The following TENM4 variants were observed in gnomAD, a reference collection of about 807,000 sequenced individuals.
The protein encoded by TENM4 is teneurin transmembrane protein 4.
TENM4 carries 82 observed loss-of-function variants against 243.3 expected under a neutral mutation model. The observed-to-expected ratio is 0.34, with a 90% CI of 0.28 to 0.40. The LOEUF (loss-of-function observed/expected upper bound fraction) is 0.40. TENM4 is among the 10% of genes least tolerant of loss of function. The pLI, the probability that TENM4 is intolerant of heterozygous loss-of-function variation, is 1.00. For missense variants in TENM4, 3,138 were observed against 3,673.3 expected, an observed-to-expected ratio of 0.85 and a Z score of 3.77; for synonymous variants, 1,412 against 1,456.3, an observed-to-expected ratio of 0.97 and a Z score of 0.69.
chr11:78,795,385 T>C (rs1857140794), intron 15 of TENM4, among the ~76,000 whole-genome samples: 1 of 152,164 alleles, frequency 6.6e-6, no homozygotes, highest in African/African-American at 2.4e-5. Flanking sequence ...TGTTCAAGAT[T>C]CTGTGATTTT....
chr11:79,176,853 G>A (rs763103542), intron 3 of TENM4, among the ~76,000 whole-genome samples: 13 of 152,056 alleles, frequency 8.5e-5, no homozygotes, highest in Admixed American at 7.2e-4. Context: ...ATCTAACATC[G>A]GTCTGAAGAA....
chr11:79,359,148 C>A (rs1320660965), intron 1 of TENM4, among the ~76,000 whole-genome samples: 1 of 152,038 alleles, frequency 6.6e-6, no homozygotes, highest in East Asian at 1.9e-4. Flanking sequence ...TACCTGTAGT[C>A]CTAGCTACTT....
intron 3 of TENM4, among the ~76,000 whole-genome samples, chr11:79,164,065 G>T (rs11237738): frequency 1.3e-4 from 2 of 14,914 alleles, no homozygotes; most frequent in Non-Finnish European, 3.3e-4. Context: ...TGTATATATA[G>T]TGTATATATA....
chr11:78,704,361 T>C lies in TENM4; in HGVS notation c.4210-1958A>G, dbSNP rs528034663. Among the ~76,000 whole-genome samples, 25 of 151,948 alleles carry C rather than the reference T, an allele frequency of 1.6e-4. No homozygotes were observed. In the South Asian group the frequency reaches 5.2e-3, roughly 32 times the overall value. On this transcript the variant is annotated intron_variant, in intron 27 of 33. Transcript: ENST00000278550. Reference sequence around the variant, plus strand: ...AGAAGTTTTTCTTCCAGGAATTTACTTTTGTATACCATCGTCTATAAGAGT... The same window carrying C: ...AGAAGTTTTTCTTCCAGGAATTTACCTTTGTATACCATCGTCTATAAGAGT...
chr11:78,669,820 T>C lies in TENM4; in HGVS notation c.6525A>G (p.Arg2175=), dbSNP rs781634304. Residue 2175 remains arginine (R), a synonymous_variant, in exon 32 of 34, where the codon CGA becomes CGG. Coordinates refer to ENST00000278550, the MANE Select transcript of TENM4 (RefSeq NM_001098816.3). The surrounding 1 kb of genome is among the most constrained non-coding windows in gnomAD (Gnocchi z 6.4). ...CTACCTTCAGCTCCTTCTTCACTAC[T>C]CGCCCCATGTTATCATACTGGACGG... ...WMTVQYDNMG[R]VVKKELKVGP... is the part of the protein sequence containing the mutation. 2.5e-6 allele frequency: 4 copies of C among 1,613,856 alleles called. No homozygotes were observed. Among genetic ancestry groups the C allele is most frequent in the South Asian group, 1.1e-5 (1 of 91,070 alleles).
At chr11:79,395,476 G>A (rs535878709) in intron 1 of TENM4, among the ~76,000 whole-genome samples, 11 of 152,302 alleles carry the variant, frequency 7.2e-5, no homozygotes, top group Admixed American at 3.9e-4. Flanking sequence ...GAAGAGGACC[G>A]GGCATACAGG....
intron 1 of TENM4, among the ~76,000 whole-genome samples, chr11:79,358,838 A>G (rs982331749): frequency 8.6e-5 from 13 of 152,042 alleles, no homozygotes; most frequent in African/African-American, 1.2e-4. Context: ...TACTAACTGA[A>G]CAACCACTAT....
intron 14 of TENM4, among the ~76,000 whole-genome samples, chr11:78,810,785 G>A (rs1055522479): frequency 3.3e-5 from 5 of 152,088 alleles, no homozygotes; most frequent in Admixed American, 6.5e-5. Context: ...GCAAAATGAC[G>A]CCTGGGAGAG....
chr11:79,261,014 C>A (rs944328331), intron 2 of TENM4, among the ~76,000 whole-genome samples: 2 of 152,322 alleles, frequency 1.3e-5, no homozygotes, highest in East Asian at 3.9e-4. Flanking sequence ...TCAGCCAAGT[C>A]AATTTGTGAT....
At position 79,233,160 on chromosome 11, in the gene TENM4, C is replaced by T. The variant is rs544746533; in HGVS notation, c.-264-17251G>A. Among the ~76,000 whole-genome samples, 3 of 152,350 alleles carry T rather than the reference C, an allele frequency of 2.0e-5. No homozygotes were observed. The East Asian group carries it at 5.8e-4, about 29-fold the overall frequency. On this transcript the variant is annotated intron_variant, in intron 2 of 33. Coordinates refer to ENST00000278550, the MANE Select transcript of TENM4 (RefSeq NM_001098816.3). ...GTCAGACGCCATGCCTTGGGTTTCC[C>T]TTCCCAAACAATGTTATTTACTAAC...
chr11:78,985,843 C>T lies in TENM4; in HGVS notation c.493+78895G>A, dbSNP rs139654514. 6.6e-5 allele frequency among the ~76,000 whole-genome samples: 10 copies of T among 152,296 alleles called. No homozygotes were observed. The East Asian group carries it at 1.9e-3, about 29-fold the overall frequency. The stretch of plus-strand genomic sequence containing the variant: ...GTCAGCCAAGTTACCGAGCTACTTC[C>T]TGCCATCAGCTTTGCCCAGGCTCCC... On this transcript the variant is annotated intron_variant, in intron 6 of 33. Transcript: ENST00000278550.
chr11:78,830,148 T>C (rs1338054837), intron 12 of TENM4, among the ~76,000 whole-genome samples: 1 of 152,218 alleles, frequency 6.6e-6, no homozygotes, highest in Non-Finnish European at 1.5e-5. Context: ...CATTACTCCC[T>C]CTTTCTGTGA....
At chr11:78,817,182 G>T (rs534683949) in intron 12 of TENM4, among the ~76,000 whole-genome samples, 2 of 152,216 alleles carry the variant, frequency 1.3e-5, no homozygotes, top group Non-Finnish European at 2.9e-5. Flanking sequence ...CTCAGAGGAC[G>T]TGGGCTTGAA....
intron 6 of TENM4, among the ~76,000 whole-genome samples, chr11:78,914,385 A>G (rs1856267273): frequency 6.6e-6 from 1 of 152,230 alleles, no homozygotes; most frequent in African/African-American, 2.4e-5. Flanking sequence ...ATGGGGCTTT[A>G]GGAAGATGAA....
intron 19 of TENM4, among the ~76,000 whole-genome samples, chr11:78,748,964 C>T (rs1403462701): frequency 6.6e-6 from 1 of 152,180 alleles, no homozygotes; most frequent in African/African-American, 2.4e-5. Flanking sequence ...TTCTCACTTT[C>T]CCAAGGACTT....
chr11:78,943,817 T>G (rs1013357910), intron 6 of TENM4, among the ~76,000 whole-genome samples: 1 of 152,258 alleles, frequency 6.6e-6, no homozygotes, highest in African/African-American at 2.4e-5. Context: ...TCTCCTATTC[T>G]GTACTTAAAA....
intron 2 of TENM4, among the ~76,000 whole-genome samples, chr11:79,246,548 C>T (rs558002260): frequency 4.6e-5 from 7 of 152,236 alleles, no homozygotes; most frequent in East Asian, 1.9e-4. Flanking sequence ...ACAGTAGAAT[C>T]GATAACTTCT....
intron 6 of TENM4, among the ~76,000 whole-genome samples, chr11:78,993,990 T>C (rs1270285790): frequency 6.6e-6 from 1 of 152,198 alleles, no homozygotes; most frequent in Non-Finnish European, 1.5e-5. Context: ...AAATGTTGAG[T>C]TTTTGCTTAG....
intron 14 of TENM4, among the ~76,000 whole-genome samples, chr11:78,807,280 T>C (rs1041027556): frequency 1.3e-5 from 2 of 152,236 alleles, no homozygotes; most frequent in African/African-American, 4.8e-5. Flanking sequence ...TCATGCTGTC[T>C]TCCATAGTAG....
Sources: allele counts gnomAD v4.1 joint callset (sites outside exome capture counted in the v4.1 genomes callset), GRCh38; gene constraint gnomAD v4.1.1; non-coding constraint Gnocchi (gnomAD v3.1); transcripts MANE v1.5; gene names NCBI Gene and HGNC (gene_info 2026-07-23, HGNC 2026-07-21).